The following SEMA4F variants were observed in gnomAD, a reference collection of about 807,000 sequenced individuals.
SEMA4F encodes ssemaphorin 4F.
In SEMA4F, 51 loss-of-function variants were observed where a neutral mutation model predicts 78.4. The ratio of observed to expected loss-of-function variants is 0.65; its 90% CI spans 0.52 to 0.82. The LOEUF (loss-of-function observed/expected upper bound fraction) is 0.82, where lower values mean the gene tolerates loss of function less well. Ranked by LOEUF, SEMA4F falls within the 40% of genes least tolerant of loss-of-function variation. The pLI, the probability that SEMA4F is intolerant of heterozygous loss-of-function variation, is 0.00. For missense variants in SEMA4F, 938 were observed against 1,014.4 expected, an observed-to-expected ratio of 0.92 and a Z score of 1.02; for synonymous variants, 418 against 408.7, an observed-to-expected ratio of 1.02 and a Z score of -0.27.
Position 74,679,691 on chromosome 2 carries a change from C to T in SEMA4F, c.1795C>T (p.His599Tyr). ...CTCAGCATGGGCATCCTGTGTGTGG[C>T]ACCAGCCCAGTGGAGTGACTGCACT... ...PSSAWASCVW[H>Y]QPSGVTALTP... is the part of the protein sequence containing the mutation. The change falls in exon 14 of 14, where the codon CAC becomes TAC. Residue 599 changes from histidine (H) to tyrosine (Y), a missense_variant. By Grantham distance (83) the His-to-Tyr change is moderately conservative (BLOSUM62 2). Coordinates refer to ENST00000357877, the MANE Select transcript of SEMA4F (RefSeq NM_004263.5). 1 of 1,614,066 alleles carries T rather than the reference C, an allele frequency of 6.2e-7. No homozygotes were observed. Among genetic ancestry groups the T allele is most frequent in the Non-Finnish European group, 8.5e-7 (1 of 1,180,036 alleles).
At chr2:74,686,263 C>A (rs1330187420), downstream of SEMA4F, among the ~76,000 whole-genome samples, 1 of 152,106 alleles carries the variant, frequency 6.6e-6, no homozygotes, top group Admixed American at 6.5e-5. Context: ...CCACGCCCGG[C>A]TAATTTTTTG....
Position 74,680,491 on chromosome 2 carries a change from C to T in SEMA4F, c.*282C>T, listed in dbSNP as rs1685558861. 1 of 329,812 alleles carries T rather than the reference C, an allele frequency of 3.0e-6. No individual in the cohort carries two copies. The highest frequency in any genetic ancestry group is 2.1e-5 in the African/African-American group (1 of 47,524). The allele number at this position is 329,812 out of a possible 1,614,324, so 20.4% of individuals were successfully genotyped here. ...CCTGTAAACCTTCATCCCTGGCCCC[C>T]TATCTTGGGCCCATTAGTTTTGGGG... On this transcript the variant is annotated 3_prime_UTR_variant, in exon 14 of 14. Coordinates refer to ENST00000357877, the MANE Select transcript of SEMA4F (RefSeq NM_004263.5).
At position 74,674,617 on chromosome 2, in the gene SEMA4F, G is replaced by A; in HGVS notation, c.942G>A (p.Val314=). 2.5e-6 allele frequency: 4 copies of A among 1,614,102 alleles called. No individual in the cohort carries two copies. The highest frequency in any genetic ancestry group is 3.4e-6 in the Non-Finnish European group (4 of 1,180,010). The part of the protein sequence containing the change: ...RASSVLQDVA[V]LRPELGAGTP... ...CCAGTGTCCTGCAGGATGTTGCTGT[G>A]CTTCGACCTGAGCTTGGGGCAGGGA... Residue 314 remains valine (V), a synonymous_variant, in exon 8 of 14, where the codon GTG becomes GTA. Coordinates refer to ENST00000357877, the MANE Select transcript of SEMA4F (RefSeq NM_004263.5).
chr2:74,658,088 T>C lies in SEMA4F; in HGVS notation c.456+137T>C, dbSNP rs1353918864. On this transcript the variant is annotated intron_variant, in intron 4 of 13. Coordinates refer to ENST00000357877, the MANE Select transcript of SEMA4F (RefSeq NM_004263.5). The surrounding 1 kb of genome is among the most constrained non-coding windows in gnomAD (Gnocchi z 4.3). ...TGGTCAAGGCAACCATTGTGCATGA[T>C]AAGCATTGGGTGTAGGGGCTGTCCT... 6 of 755,848 alleles carry C rather than the reference T, an allele frequency of 7.9e-6. No homozygotes were observed. The highest frequency in any genetic ancestry group is 1.5e-5 in the South Asian group (1 of 65,416). The allele number at this position is 755,848 out of a possible 1,614,324, so 46.8% of individuals were successfully genotyped here.
chr2:74,689,415 T>C, the SEMA4F span, among the ~76,000 whole-genome samples: 1 of 152,182 alleles, frequency 6.6e-6, no homozygotes, highest in African/African-American at 2.4e-5. Context: ...GAAATGAAAT[T>C]AGTACACACT....
chr2:74,655,562 G>A (rs1684089356), intron 1 of SEMA4F, among the ~76,000 whole-genome samples: 1 of 152,236 alleles, frequency 6.6e-6, no homozygotes, highest in Non-Finnish European at 1.5e-5. Flanking sequence ...TAGGGATGCT[G>A]TGATTCCAGA....
At chr2:74,679,152 G>A (rs567832280) in intron 12 of SEMA4F, 124 bp from the exon 13 acceptor site, 2 of 823,670 alleles carry the variant, frequency 2.4e-6, no homozygotes, top group Admixed American at 3.8e-5. Context: ...AAACTTGACT[G>A]ATAATTTCTG....
chr2:74,685,900 G>T (rs538302444), downstream of SEMA4F, among the ~76,000 whole-genome samples: 2 of 152,136 alleles, frequency 1.3e-5, no homozygotes, highest in South Asian at 2.1e-4. Flanking sequence ...GTGAGCAAAG[G>T]ATATGAACAG....
chr2:74,684,833 C>T (rs1462992127), downstream of SEMA4F, among the ~76,000 whole-genome samples: 1 of 152,176 alleles, frequency 6.6e-6, no homozygotes, highest in African/African-American at 2.4e-5. Flanking sequence ...GATGGTGGCG[C>T]ATGCCTGTAG....
chr2:74,698,524 G>A, the SEMA4F span, among the ~76,000 whole-genome samples: 7 of 152,098 alleles, frequency 4.6e-5, no homozygotes, highest in Non-Finnish European at 1.0e-4. Flanking sequence ...AGTCACAAAA[G>A]TCCTTCCCAG....
intron 2 of SEMA4F, among the ~76,000 whole-genome samples, chr2:74,656,948 A>G (rs1382671620): frequency 4.6e-5 from 7 of 152,138 alleles, no homozygotes; most frequent in African/African-American, 7.2e-5. Context: ...TCAGGTGACA[A>G]TGGGCAGAGG....
the SEMA4F span, among the ~76,000 whole-genome samples, chr2:74,700,278 C>T: frequency 9.2e-5 from 14 of 152,014 alleles, no homozygotes; most frequent in African/African-American, 1.7e-4. Flanking sequence ...TTTGCCTTGA[C>T]GTAGTAGATG....
downstream of SEMA4F, among the ~76,000 whole-genome samples, chr2:74,687,589 C>A (rs964653223): frequency 7.2e-5 from 11 of 152,310 alleles, no homozygotes; most frequent in Admixed American, 6.5e-4. Flanking sequence ...AGCTGACCCA[C>A]TGGGTAATGG....
At position 74,654,287 on chromosome 2, in the gene SEMA4F, G is replaced by C. The variant is rs1372634275; in HGVS notation, c.-90G>C. The C allele has an allele frequency of 1.5e-6, 2 of 1,344,444 alleles. No homozygotes were observed. The highest frequency in any genetic ancestry group is 1.5e-5 in the African/African-American group (1 of 64,800). The allele number at this position is 1,344,444 out of a possible 1,614,324, so 83.3% of individuals were successfully genotyped here. On this transcript the variant is annotated 5_prime_UTR_variant, in exon 1 of 14. Coordinates refer to ENST00000357877, the MANE Select transcript of SEMA4F (RefSeq NM_004263.5). ...CTCAGGCTGAGCCGGACCGAGCCGA[G>C]AGGACCCGAGTGGGGCCGAGGCCAG... is the stretch of plus-strand genomic sequence containing the variant.
chr2:74,670,153 C>T (rs950327354), intron 5 of SEMA4F, among the ~76,000 whole-genome samples: 3 of 152,132 alleles, frequency 2.0e-5, no homozygotes, highest in African/African-American at 7.2e-5. Context: ...GTTGTATGGT[C>T]AGTGTTATTA....
chr2:74,690,605 T>A, the SEMA4F span, among the ~76,000 whole-genome samples: 1 of 152,238 alleles, frequency 6.6e-6, no homozygotes, highest in Non-Finnish European at 1.5e-5. Context: ...TATTTTTAAA[T>A]GAAAGGAGAT....
At chr2:74,690,751 A>G in the SEMA4F span, among the ~76,000 whole-genome samples, 1,810 of 152,326 alleles carry the variant, frequency 0.012, 29 homozygotes, top group African/African-American at 0.041. Context: ...ATTGCAGTAT[A>G]GTTAGATGCA....
At chr2:74,707,729 T>A in the SEMA4F span, among the ~76,000 whole-genome samples, 1 of 152,002 alleles carries the variant, frequency 6.6e-6, no homozygotes, top group African/African-American at 2.4e-5. Context: ...CCTGAAGAAG[T>A]TCCTAGGGCA....
the SEMA4F span, among the ~76,000 whole-genome samples, chr2:74,692,854 C>T: frequency 6.6e-6 from 1 of 152,238 alleles, no homozygotes; most frequent in African/African-American, 2.4e-5. Context: ...AGAAATGCAG[C>T]TCATCTCACT....
Sources: gnomAD v4.1 joint callset for allele counts (sites outside exome capture counted in the v4.1 genomes callset) on GRCh38, gnomAD v4.1.1 for gene constraint, Gnocchi (gnomAD v3.1) non-coding constraint, MANE v1.5 for transcripts, NCBI Gene and HGNC (gene_info 2026-07-23, HGNC 2026-07-21) for gene names.